Variants in MGAT4D observed in about 807,000 individuals in gnomAD.
The protein encoded by MGAT4D is MGAT4 family member D, also known as alpha-1,3-mannosyl-glycoprotein 4-beta-N-acetylglucosaminyltransferase-like protein MGAT4D.
MGAT4D carries 34 observed loss-of-function variants against 15.9 expected under a neutral mutation model. The ratio of observed to expected loss-of-function variants is 2.14; its 90% CI spans 1.62 to 2.84. The LOEUF (loss-of-function observed/expected upper bound fraction) is 2.84, where lower values mean the gene tolerates loss of function less well. Among genes scored for constraint, MGAT4D ranks in the 30% most tolerant of loss-of-function variants. The probability of loss-of-function intolerance (pLI) is 0.00; values close to 1 mark genes in which losing one functional copy is unlikely to be tolerated. For missense variants in MGAT4D, 327 were observed against 140.2 expected, an observed-to-expected ratio of 2.33 and a Z score of -6.73; for synonymous variants, 112 against 48.2, an observed-to-expected ratio of 2.33 and a Z score of -5.49.
At chr4:140,464,373 T>C (rs916138306) in intron 6 of MGAT4D, among the ~76,000 whole-genome samples, 3 of 152,208 alleles carry the variant, frequency 2.0e-5, no homozygotes, top group African/African-American at 7.2e-5. Context: ...TTCACAAATG[T>C]ATTTTATTCT....
chr4:140,471,286 C>CCTTCCTTCCT (rs1299090943), intron 5 of MGAT4D, among the ~76,000 whole-genome samples: 3 of 142,924 alleles, frequency 2.1e-5, no homozygotes, highest in South Asian at 2.2e-4. Flanking sequence ...TTCCTTCCTT[C>CCTTCCTTCCT]TCTCTCTTTT....
At chr4:140,469,046 C>T (rs895144474) in intron 5 of MGAT4D, among the ~76,000 whole-genome samples, 5 of 152,184 alleles carry the variant, frequency 3.3e-5, no homozygotes, top group Non-Finnish European at 5.9e-5. Context: ...CAAGTAAAAA[C>T]TCCAGGTGCT....
At chr4:140,486,011 C>T (rs1420333100) in intron 1 of MGAT4D, among the ~76,000 whole-genome samples, 1 of 151,798 alleles carries the variant, frequency 6.6e-6, no homozygotes, top group Admixed American at 6.6e-5. Context: ...GAAAAATAAC[C>T]AAAGTCCTTA....
chr4:140,481,419 C>CA (rs757634620), intron 2 of MGAT4D, among the ~76,000 whole-genome samples: 4 of 152,180 alleles, frequency 2.6e-5, no homozygotes, highest in Non-Finnish European at 4.4e-5. Flanking sequence ...TAACATTAAA[C>CA]ATATACTTAC....
At position 140,498,101 on chromosome 4, in the gene MGAT4D, G is replaced by A. The variant is rs1269766848; in HGVS notation, c.94+28C>T. 3 of 695,244 alleles carry A rather than the reference G, an allele frequency of 4.3e-6. No individual in the cohort carries two copies. The East Asian group carries it at 8.3e-5, about 19-fold the overall frequency. The allele number at this position is 695,244 out of a possible 1,614,324, so 43.1% of individuals were successfully genotyped here. On this transcript the variant is annotated intron_variant, in intron 1 of 10. Transcript: ENST00000511113. ...GCCCCGAAGCCCCCGCGGCGGGAAA[G>A]GAGGCGGGAGGAGGGCCCGCCGCTT...
chr4:140,462,804 A>G (rs747253137), intron 6 of MGAT4D: 1 of 152,224 alleles, frequency 6.6e-6, no homozygotes, highest in Admixed American at 6.5e-5. Flanking sequence ...AGAGAATTAT[A>G]GCAAAAAAAT....
At chr4:140,458,460 T>G (rs1730952348) in intron 8 of MGAT4D, 1 of 152,106 alleles carries the variant, frequency 6.6e-6, no homozygotes, top group African/African-American at 2.4e-5. Context: ...ATGCTGGAAG[T>G]GAATTTGGAT....
In MGAT4D at chr4:140,451,436, ATG is replaced by A; in HGVS notation, c.1088_1089del (p.Ser363PhefsTer3). ...TTTTCATATTGTTCTTTTCTAGGGA[ATG>A]ATGAATGTATACCCACATGCTGGAA... ...SLFQHVGIHS[S>X]FPRKEQYEKK... is the part of the protein sequence containing the mutation. On this transcript the variant is annotated frameshift_variant, in exon 10 of 11. Transcript: ENST00000511113. LOFTEE classifies it high-confidence loss of function. 1 of 616,880 alleles carries A rather than the reference ATG, an allele frequency of 1.6e-6. No individual in the cohort carries two copies. Among genetic ancestry groups the A allele is most frequent in the Non-Finnish European group, 3.0e-6 (1 of 338,656 alleles). The allele number at this position is 616,880 out of a possible 1,614,324, so 38.2% of individuals were successfully genotyped here.
intron 2 of MGAT4D, 99 bp downstream of exon 2, chr4:140,482,217 AGAACCAGTACT>A: frequency 2.1e-6 from 1 of 479,878 alleles, no homozygotes; most frequent in South Asian, 3.6e-5. Context: ...TCACAATAAA[AGAACCAGTACT>A]GATATAGTTA....
Position 140,459,463 on chromosome 4 carries a change from T to G in MGAT4D, c.877+49A>C, listed in dbSNP as rs1040804433. Reference sequence around the variant, plus strand: ...GATAAACTGTTTAAAATGTTTTAAATTATTGTGTGCTAAAAAACTTGATCC... The same window carrying G: ...GATAAACTGTTTAAAATGTTTTAAAGTATTGTGTGCTAAAAAACTTGATCC... On this transcript the variant is annotated intron_variant, in intron 8 of 10. Transcript: ENST00000511113. The G allele has an allele frequency of 1.5e-5, 6 of 409,940 alleles. No individual in the cohort carries two copies. The Admixed American group carries it at 2.7e-4, about 18-fold the overall frequency. The allele number at this position is 409,940 out of a possible 1,614,324, so 25.4% of individuals were successfully genotyped here. A position where few individuals can be genotyped will look rare whatever the true frequency, so the allele number is the denominator to read the frequency against.
intron 1 of MGAT4D, among the ~76,000 whole-genome samples, chr4:140,496,885 GA>G (rs557856485): frequency 1.1e-3 from 163 of 152,148 alleles, no homozygotes; most frequent in African/African-American, 3.8e-3. Flanking sequence ...CTAATTAAAA[GA>G]AATCATTTAT....
At chr4:140,486,374 T>G (rs1733131801) in intron 1 of MGAT4D, among the ~76,000 whole-genome samples, 1 of 152,178 alleles carries the variant, frequency 6.6e-6, no homozygotes, top group Non-Finnish European at 1.5e-5. Context: ...TTAATTATAC[T>G]TTAAGTTCTG....
chr4:140,490,017 G>T (rs1462699456), intron 1 of MGAT4D, among the ~76,000 whole-genome samples: 1 of 152,174 alleles, frequency 6.6e-6, no homozygotes, highest in African/African-American at 2.4e-5. Context: ...CATAACGGAA[G>T]AGACTGAATG....
intron 4 of MGAT4D, 27 bp from the exon 5 acceptor site, chr4:140,471,848 A>C: frequency 2.2e-6 from 1 of 444,634 alleles, no homozygotes; most frequent in South Asian, 3.1e-5. Flanking sequence ...TATTTTACTG[A>C]AACTAAGCAT....
chr4:140,459,049 T>G (rs1730993710), intron 8 of MGAT4D: 1 of 152,116 alleles, frequency 6.6e-6, no homozygotes, highest in African/African-American at 2.4e-5. Flanking sequence ...TTTGGAAATT[T>G]TCTGTGGTGG....
intron 9 of MGAT4D, among the ~76,000 whole-genome samples, chr4:140,454,714 C>A (rs959220251): frequency 6.6e-6 from 1 of 151,698 alleles, no homozygotes; most frequent in Admixed American, 6.6e-5. Context: ...ACCTTTAAAC[C>A]CTTTGGACAT....
intron 5 of MGAT4D, among the ~76,000 whole-genome samples, chr4:140,470,836 TTCCCCATCACCACTAGGACAATGCTAG>T (rs372401566): frequency 2.0e-5 from 3 of 152,266 alleles, no homozygotes; most frequent in African/African-American, 4.8e-5. Context: ...GTCATATTTA[TTCCCCATCACCACTAGGACAATGCTAG>T]CCTCTTCCTT....
At chr4:140,474,683 G>A (rs11933021) in intron 4 of MGAT4D, 130 bp downstream of exon 4, 61,724 of 420,902 alleles carry the variant, frequency 0.15, 5,792 homozygotes, top group East Asian at 0.37. Context: ...TCCAAAAAAG[G>A]CATCTATGGG....
intron 1 of MGAT4D, among the ~76,000 whole-genome samples, chr4:140,494,012 G>A (rs1453683017): frequency 6.6e-6 from 1 of 152,180 alleles, no homozygotes; most frequent in Admixed American, 6.5e-5. Flanking sequence ...TTCCAAGGGA[G>A]GTAGCTAGCA....
Sources: allele counts gnomAD v4.1 joint callset (sites outside exome capture counted in the v4.1 genomes callset), GRCh38; gene constraint gnomAD v4.1.1; transcripts MANE v1.5; gene names NCBI Gene and HGNC (gene_info 2026-07-23, HGNC 2026-07-21).